The following NIN variants were observed in gnomAD, a reference collection of about 807,000 sequenced individuals.
NIN encodes ninein.
NIN carries 137 observed loss-of-function variants against 257.6 expected under a neutral mutation model. The ratio of observed to expected loss-of-function variants is 0.53; its 90% confidence interval spans 0.46 to 0.61. The LOEUF (loss-of-function observed/expected upper bound fraction) is 0.61. Ranked by LOEUF, NIN falls within the 20% of genes least tolerant of loss-of-function variation. The probability of loss-of-function intolerance (pLI) is 0.00; values close to 1 mark genes in which losing one functional copy is unlikely to be tolerated. For missense variants in NIN, 2,439 were observed against 2,501.2 expected (o/e 0.98, Z 0.53); for synonymous variants, 918 against 919.8 (o/e 1.00, Z 0.04).
chr14:50,789,357 G>A (rs556911087), intron 5 of NIN, among the ~76,000 whole-genome samples: 11 of 99,426 alleles, frequency 1.1e-4, no homozygotes, highest in African/African-American at 3.9e-4. Context: ...GGTGGATCAT[G>A]AGGTCAGGAA....
At chr14:50,770,644 G>A (rs2042692369) in intron 11 of NIN, 82 bp from the exon 12 acceptor site, 4 of 1,505,854 alleles carry the variant, frequency 2.7e-6, no homozygotes, top group Non-Finnish European at 3.6e-6. Context: ...GAAACACAGA[G>A]GCACAGAGAT....
At chr14:50,805,782 C>T (rs1309404855) in intron 4 of NIN, 1 of 152,134 alleles carries the variant, frequency 6.6e-6, no homozygotes, top group Non-Finnish European at 1.5e-5. Flanking sequence ...TTTCATTGCA[C>T]AAGTCTCTGG....
rs745342798 is a variant in NIN at position 50,756,512 on chromosome 14, C to G, written c.4518G>C (p.Gln1506His). ...ATTACCTCAGAAGTTCAACTTTTTG[C>G]TGCATCTCACTGCACGTGATCTGCA... is the stretch of plus-strand genomic sequence containing the variant. ...HDLQITCSEM[Q>H]QKVELLRYES... Residue 1506 changes from glutamine to histidine, a missense_variant, in exon 18 of 31, where the codon CAG becomes CAC. This residue lies in a region of NIN where 2,043 missense variants were observed against 2,050.2 expected (regional missense o/e 1.00). Transcript: ENST00000530997. 4.4e-6 allele frequency: 7 copies of G among 1,603,410 alleles called. No individual in the cohort carries two copies. Among genetic ancestry groups the G allele is most frequent in the Non-Finnish European group, 6.0e-6 (7 of 1,175,664 alleles).
At chr14:50,798,159 C>T (rs1457188987) in intron 4 of NIN, among the ~76,000 whole-genome samples, 1 of 152,226 alleles carries the variant, frequency 6.6e-6, no homozygotes, top group Non-Finnish European at 1.5e-5. Context: ...TCTGTGTGCA[C>T]TAAGCCCTTT....
chr14:50,721,084 A>G lies in NIN; in HGVS notation c.*2379T>C, dbSNP rs768456365. On this transcript the variant is annotated 3_prime_UTR_variant, in exon 31 of 31. Coordinates refer to ENST00000530997, the MANE Select transcript of NIN (RefSeq NM_020921.4). ...TCTATTATAAATTGCCAACTAAATT[A>G]TAAATTGCCACTCACCTTCTCAAAA... 3.6e-5 allele frequency: 7 copies of G among 195,766 alleles called. No individual in the cohort carries two copies. The highest frequency in any genetic ancestry group is 6.4e-5 in the Non-Finnish European group (6 of 94,162). The allele number at this position is 195,766 out of a possible 1,614,324, so 12.1% of individuals were successfully genotyped here. A position where few individuals can be genotyped will look rare whatever the true frequency, so the allele number is the denominator to read the frequency against.
intron 13 of NIN, among the ~76,000 whole-genome samples, 157 bp downstream of exon 13, chr14:50,766,623 C>T (rs545205858): frequency 2.0e-5 from 3 of 152,164 alleles, no homozygotes; most frequent in Non-Finnish European, 4.4e-5. Flanking sequence ...TCCTTCATAA[C>T]CAACTTAGTA....
chr14:50,802,054 T>G (rs1451525029), intron 4 of NIN, among the ~76,000 whole-genome samples: 2 of 152,220 alleles, frequency 1.3e-5, no homozygotes, highest in Admixed American at 1.3e-4. Flanking sequence ...GCATTTCCAT[T>G]ACAAAAATCC....
intron 4 of NIN, among the ~76,000 whole-genome samples, chr14:50,800,007 TACACACACAC>T (rs71118902): frequency 0.18 from 26,904 of 148,134 alleles, 2,915 homozygotes; most frequent in Non-Finnish European, 0.25. Flanking sequence ...TATATACACA[TACACACACAC>T]ACACACACAC....
In NIN at chr14:50,746,034, TAA is replaced by T. The variant is rs35691375; in HGVS notation, c.5065-1671_5065-1670del. 3.9e-3 allele frequency among the ~76,000 whole-genome samples: 530 copies of T among 135,300 alleles called. 2 individuals are homozygous for T. Among genetic ancestry groups the T allele is most frequent in the Non-Finnish European group, 4.5e-3 (284 of 62,724 alleles). 88.8% of individuals were successfully genotyped at this position (135,300 alleles called of 152,430 possible). On this transcript the variant is annotated intron_variant, in intron 22 of 30. Coordinates refer to ENST00000530997, the MANE Select transcript of NIN (RefSeq NM_020921.4). ...CTCACTATTTATACCAATGCTTGTT[TAA>T]AAAAAAAAAAAAAAAAGCAATAAAA...
At chr14:50,727,522 G>T in intron 29 of NIN, 1 of 1,214,500 alleles carries the variant, frequency 8.2e-7, no homozygotes. Context: ...AAATAAATAA[G>T]AGACATAATA....
At chr14:50,789,637 A>T (rs1271412137) in intron 5 of NIN, among the ~76,000 whole-genome samples, 1 of 152,238 alleles carries the variant, frequency 6.6e-6, no homozygotes, top group African/African-American at 2.4e-5. Context: ...AATTCATTAT[A>T]AGAGGAAGAA....
At chr14:50,802,684 C>A (rs2044150854) in intron 4 of NIN, among the ~76,000 whole-genome samples, 1 of 151,930 alleles carries the variant, frequency 6.6e-6, no homozygotes, top group Non-Finnish European at 1.5e-5. Flanking sequence ...GCAACACCAT[C>A]AAATCTTGGA....
Position 50,756,506 on chromosome 14 carries a change from T to C in NIN, c.4524A>G (p.Lys1508=). ...LQITCSEMQQ[K]VELLRYESEK... ...ACATACATTACCTCAGAAGTTCAAC[T>C]TTTTGCTGCATCTCACTGCACGTGA... Residue 1508 remains lysine (K), a synonymous_variant, in exon 18 of 31, where the codon AAA becomes AAG. Coordinates refer to ENST00000530997, the MANE Select transcript of NIN (RefSeq NM_020921.4). 1.2e-6 allele frequency: 2 copies of C among 1,602,256 alleles called. No individual in the cohort carries two copies. The highest frequency in any genetic ancestry group is 1.7e-6 in the Non-Finnish European group (2 of 1,174,960).
intron 4 of NIN, among the ~76,000 whole-genome samples, chr14:50,800,007 T>TATACACAC (rs1396178789): frequency 3.4e-5 from 5 of 148,152 alleles, no homozygotes; most frequent in Admixed American, 2.7e-4. Flanking sequence ...TATATACACA[T>TATACACAC]ACACACACAC....
chr14:50,722,993 T>G lies in NIN; in HGVS notation c.*470A>C, dbSNP rs949555976. 3.2e-4 allele frequency: 68 copies of G among 213,172 alleles called. No homozygotes were observed. Among genetic ancestry groups the G allele is most frequent in the African/African-American group, 1.5e-3 (68 of 44,158 alleles). The allele number at this position is 213,172 out of a possible 1,614,324, so 13.2% of individuals were successfully genotyped here. The stretch of plus-strand genomic sequence containing the variant: ...TTATACTCTACTAATTGTCTACCAA[T>G]TCAAAGAACCAAAACTATTATAATG... On this transcript the variant is annotated 3_prime_UTR_variant, in exon 31 of 31. Transcript: ENST00000530997.
chr14:50,730,842 C>A (rs765198911), intron 28 of NIN: 53 of 1,111,460 alleles, frequency 4.8e-5, no homozygotes, highest in Non-Finnish European at 5.8e-5. Flanking sequence ...TTAACTGTTA[C>A]AATCAACAGA....
chr14:50,823,364 A>G (rs1198183175), intron 2 of NIN: 1 of 518,864 alleles, frequency 1.9e-6, no homozygotes, highest in Non-Finnish European at 3.9e-6. Context: ...GCTTTCACTA[A>G]CCAAGCATCT....
At position 50,759,847 on chromosome 14, in the gene NIN, A is replaced by C. The variant is rs766857796; in HGVS notation, c.2399+10T>G. On this transcript the variant is annotated intron_variant, in intron 17 of 30. Transcript: ENST00000530997. ...GCCCCAGGTAGCTTCATTTCCCTTC[A>C]CTTTCTTACCTTCCCTCCTGAAGCT... 67 of 1,592,810 alleles carry C rather than the reference A, an allele frequency of 4.2e-5. No individual in the cohort carries two copies. The highest frequency in any genetic ancestry group is 5.7e-5 in the Non-Finnish European group (67 of 1,172,436).
Position 50,720,897 on chromosome 14 carries a change from A to G in NIN, c.*2566T>C, listed in dbSNP as rs1045936694. On this transcript the variant is annotated 3_prime_UTR_variant, in exon 31 of 31. Coordinates refer to ENST00000530997, the MANE Select transcript of NIN (RefSeq NM_020921.4). Reference sequence around the variant, plus strand: ...AGACGATCTTAAATAATTGTTCTTAAATCAAAAAGTTTGAAAATCAGTGCT... The same window carrying G: ...AGACGATCTTAAATAATTGTTCTTAGATCAAAAAGTTTGAAAATCAGTGCT... 1 of 197,694 alleles carries G rather than the reference A, an allele frequency of 5.1e-6. No homozygotes were observed. Among genetic ancestry groups the G allele is most frequent in the Non-Finnish European group, 1.0e-5 (1 of 95,540 alleles). 12.2% of individuals were successfully genotyped at this position (197,694 alleles called of 1,614,324 possible).
Sources: gnomAD v4.1 joint callset for allele counts (sites outside exome capture counted in the v4.1 genomes callset) on GRCh38, gnomAD v4.1.1 for gene constraint, gnomAD v4.1.1 regional missense constraint, MANE v1.5 for transcripts, NCBI Gene and HGNC (gene_info 2026-07-23, HGNC 2026-07-21) for gene names.